POU2F2: variants seen among roughly 807,000 people sequenced by gnomAD.
POU2F2 encodes POU class 2 homeobox 2.
POU2F2 carries 14 observed loss-of-function variants against 63.5 expected under a neutral mutation model. The ratio of observed to expected loss-of-function variants is 0.22; its 90% CI spans 0.15 to 0.34. The LOEUF (loss-of-function observed/expected upper bound fraction) is 0.34. Ranked by LOEUF, POU2F2 falls within the 10% of genes least tolerant of loss-of-function variation. The pLI is 1.00. For synonymous variants in POU2F2, 306 were observed against 348.6 expected (o/e 0.88, Z 1.36); for missense variants, 607 against 815.2 (o/e 0.74, Z 3.11).
upstream of POU2F2, among the ~76,000 whole-genome samples, chr19:42,180,530 T>A (rs2034949031): frequency 6.6e-6 from 1 of 152,112 alleles, no homozygotes; most frequent in Admixed American, 6.5e-5. Context: ...ATGGACAGCC[T>A]GAGTACCTAC....
In POU2F2 at chr19:42,188,409, G is replaced by T. The variant is rs377710178; in HGVS notation, c.-70+7974C>A. Among the ~76,000 whole-genome samples the T allele has an allele frequency of 9.9e-5, 15 of 151,512 alleles. No individual in the cohort carries two copies. The South Asian group carries it at 3.1e-3, about 32-fold the overall frequency. On this transcript the variant is annotated intron_variant, in intron 1 of 5. Transcript: ENST00000532176. ...AAAAGGGCCGGGTGCAGAGGCTCACGCCTGTAATCCCAACACTTTGGGAGG... is the reference window on the plus strand; with the variant it reads ...AAAAGGGCCGGGTGCAGAGGCTCACTCCTGTAATCCCAACACTTTGGGAGG...
chr19:42,165,335 C>T (rs1362393070), intron 1 of POU2F2, among the ~76,000 whole-genome samples: 2 of 152,218 alleles, frequency 1.3e-5, no homozygotes, highest in East Asian at 1.9e-4. Flanking sequence ...CAAATACAGT[C>T]CCCTGTCCCC....
intron 1 of POU2F2, among the ~76,000 whole-genome samples, chr19:42,187,960 G>A (rs1217489766): frequency 6.6e-6 from 1 of 151,788 alleles, no homozygotes; most frequent in Admixed American, 6.6e-5. Context: ...TTGAACGTGG[G>A]CTGAACCTTT....
chr19:42,114,965 A>T (rs1412870545), intron 5 of POU2F2, among the ~76,000 whole-genome samples: 6 of 151,920 alleles, frequency 3.9e-5, no homozygotes, highest in Admixed American at 2.6e-4. Context: ...CATGGCAAAA[A>T]CCTGTCTCTA....
intron 4 of POU2F2, among the ~76,000 whole-genome samples, chr19:42,118,414 T>C (rs905205316): frequency 2.6e-5 from 4 of 152,200 alleles, no homozygotes; most frequent in Non-Finnish European, 4.4e-5. Context: ...AGTGGAAATC[T>C]TATCTGGCTC....
intron 2 of POU2F2, among the ~76,000 whole-genome samples, chr19:42,142,008 C>T (rs1275527406): frequency 6.6e-6 from 1 of 152,162 alleles, no homozygotes; most frequent in Admixed American, 6.5e-5. Flanking sequence ...TTCTCCAAGA[C>T]ACTGTTAAGT....
In POU2F2 at chr19:42,153,931, C is replaced by T. The variant is rs1224657725; in HGVS notation, c.-9+6401G>A. Among the ~76,000 whole-genome samples the T allele has an allele frequency of 6.6e-6, 1 of 152,164 alleles. No individual in the cohort carries two copies. The highest frequency in any genetic ancestry group is 1.9e-4 in the East Asian group (1 of 5,190). ...GGCCTGCCTGCCTTCTTTCCCTTCC[C>T]TGCCAGAGACCCCAGACCCCTGCCA... On this transcript the variant is annotated intron_variant, in intron 2 of 6. Coordinates refer to the POU2F2 transcript ENST00000524801. The surrounding 1 kb of genome is among the most constrained non-coding windows in gnomAD (Gnocchi z 5.6).
intron 2 of POU2F2, among the ~76,000 whole-genome samples, chr19:42,151,091 T>C (rs943520235): frequency 1.3e-5 from 2 of 152,200 alleles, no homozygotes; most frequent in East Asian, 3.9e-4. Flanking sequence ...CGGAGCCATT[T>C]GGCTGATGGT....
rs1033546356 is a variant in POU2F2, at chr19:42,153,245, G to C, written c.-9+7087C>G. ...GGGGATTCTAGGACTGCACATACCC[G>C]AGCGTCTTGGCCCGAGTCATGTCTG... On this transcript the variant is annotated intron_variant, in intron 2 of 6. Transcript: ENST00000524801. This position sits in a 1 kb window ranked among gnomAD's most constrained non-coding sequence, Gnocchi z 5.6. Among the ~76,000 whole-genome samples, 5 of 152,138 alleles carry C rather than the reference G, an allele frequency of 3.3e-5. No individual in the cohort carries two copies. The highest frequency in any genetic ancestry group is 2.6e-4 in the Admixed American group (4 of 15,286).
At chr19:42,129,504 G>C (rs1178149252) in intron 1 of POU2F2, among the ~76,000 whole-genome samples, 3 of 152,140 alleles carry the variant, frequency 2.0e-5, no homozygotes. Context: ...GCCAGTTTTA[G>C]CAGACTTAGG....
chr19:42,166,310 T>C lies in POU2F2; in HGVS notation c.-69-5918A>G, dbSNP rs74259562. On this transcript the variant is annotated intron_variant, in intron 1 of 6. Transcript: ENST00000524801. ...GGTCTCATGCTCTGGGGACACTCTA[T>C]GCTCAGAGTTTTTTTTTTTCCTCCG... 9.2e-4 allele frequency among the ~76,000 whole-genome samples: 140 copies of C among 152,194 alleles called. 3 individuals are homozygous for C. In the East Asian group the frequency reaches 0.024, roughly 26 times the overall value.
At chr19:42,167,443 C>T (rs1216700029) in intron 1 of POU2F2, among the ~76,000 whole-genome samples, 5 of 150,576 alleles carry the variant, frequency 3.3e-5, no homozygotes, top group African/African-American at 9.8e-5. Context: ...AACAGAGCAA[C>T]ACTCTGTCCC....
chr19:42,190,685 C>A (rs543069461), intron 1 of POU2F2, among the ~76,000 whole-genome samples: 1 of 152,132 alleles, frequency 6.6e-6, no homozygotes, highest in Non-Finnish European at 1.5e-5. Flanking sequence ...GAAAGCCTGT[C>A]TCTATTAAAA....
intron 1 of POU2F2, among the ~76,000 whole-genome samples, chr19:42,193,132 G>A (rs1157305848): frequency 3.3e-5 from 5 of 151,090 alleles, no homozygotes; most frequent in Admixed American, 6.6e-5. Context: ...AGGCTGAGGC[G>A]GGAGAATGGC....
intron 1 of POU2F2, among the ~76,000 whole-genome samples, chr19:42,190,251 G>T (rs1006299001): frequency 2.0e-5 from 3 of 151,556 alleles, no homozygotes; most frequent in African/African-American, 7.3e-5. Flanking sequence ...TACATGAAGG[G>T]TTGTTTCATT....
At chr19:42,100,016 ACCATGGGGTACCAGAGAGT>A (rs1006063084) in intron 5 of POU2F2, among the ~76,000 whole-genome samples, 195 bp from the exon 6 acceptor site, 2 of 148,506 alleles carry the variant, frequency 1.3e-5, no homozygotes, top group African/African-American at 5.0e-5. Context: ...GCTTCTCTCT[ACCATGGGGTACCAGAGAGT>A]CCCAACTGGG....
intron 5 of POU2F2, among the ~76,000 whole-genome samples, chr19:42,112,531 G>A (rs193199871): frequency 6.6e-6 from 1 of 152,216 alleles, no homozygotes; most frequent in East Asian, 1.9e-4. Flanking sequence ...CACCACGGCC[G>A]GCTAATTTTT....
chr19:42,099,715 C>G lies in POU2F2; in HGVS notation c.475+1G>C. 1 of 1,596,150 alleles carries G rather than the reference C, an allele frequency of 6.3e-7. No homozygotes were observed. The highest frequency in any genetic ancestry group is 8.5e-7 in the Non-Finnish European group (1 of 1,170,602). ...GAGGCCATCTGGGGTGGGGGCCTTACCTGGCTGGCTCTGCTGGGCCTGCGG... is the reference window on the plus strand; with the variant it reads ...GAGGCCATCTGGGGTGGGGGCCTTAGCTGGCTGGCTCTGCTGGGCCTGCGG... On this transcript the variant is annotated splice_donor_variant, in intron 6 of 14. Transcript: ENST00000692977. LOFTEE classifies it high-confidence loss of function.
intron 5 of POU2F2, among the ~76,000 whole-genome samples, chr19:42,107,069 T>A (rs939541465): frequency 9.2e-5 from 14 of 151,990 alleles, no homozygotes; most frequent in Admixed American, 8.5e-4. Context: ...AAAATTTGGC[T>A]GGGTGCGGTG....
Sources: allele counts gnomAD v4.1 joint callset (sites outside exome capture counted in the v4.1 genomes callset), GRCh38; gene constraint gnomAD v4.1.1; non-coding constraint Gnocchi (gnomAD v3.1); transcripts MANE v1.5; gene names NCBI Gene and HGNC (gene_info 2026-07-23, HGNC 2026-07-21).